The following CCNB1IP1 variants were observed in gnomAD, a reference collection of about 807,000 sequenced individuals.
CCNB1IP1 encodes cyclin B1 interacting protein 1.
CCNB1IP1 carries 14 observed loss-of-function variants against 25.6 expected under a neutral mutation model. The ratio of observed to expected loss-of-function variants is 0.55; its 90% CI spans 0.36 to 0.85. The LOEUF is 0.85. Ranked by LOEUF, CCNB1IP1 falls within the 40% of genes least tolerant of loss-of-function variation. CCNB1IP1 has a pLI of 0.01. For missense variants in CCNB1IP1, 278 were observed against 342.4 expected (o/e 0.81, Z 1.48); for synonymous variants, 119 against 116.1 (o/e 1.02, Z -0.16).
At chr14:20,331,425 A>G (rs1340938268) in intron 1 of CCNB1IP1, among the ~76,000 whole-genome samples, 2 of 152,202 alleles carry the variant, frequency 1.3e-5, no homozygotes, top group Non-Finnish European at 2.9e-5. Flanking sequence ...TTGCTCAATC[A>G]AGTTTAGAGT....
intron 4 of CCNB1IP1, among the ~76,000 whole-genome samples, chr14:20,323,732 C>T (rs917892535): frequency 1.8e-4 from 27 of 151,182 alleles, no homozygotes; most frequent in Non-Finnish European, 2.8e-4. Context: ...ATCGAGACCA[C>T]GGTGAAACCC....
chr14:20,320,421 C>T (rs1268308669), intron 4 of CCNB1IP1: 6 of 414,744 alleles, frequency 1.4e-5, no homozygotes, highest in Non-Finnish European at 2.4e-5. Context: ...GCAAGGGATA[C>T]AATATGCATC....
At chr14:20,319,515 G>C (rs895930125) in intron 4 of CCNB1IP1, among the ~76,000 whole-genome samples, 4 of 152,186 alleles carry the variant, frequency 2.6e-5, no homozygotes, top group African/African-American at 7.2e-5. Flanking sequence ...AATTTGACTA[G>C]TACCTAACTT....
At chr14:20,315,547 A>T (rs1882663273) in intron 5 of CCNB1IP1, 1 of 1,248,690 alleles carries the variant, frequency 8.0e-7, no homozygotes, top group South Asian at 1.4e-5. Flanking sequence ...GTATAAGTGT[A>T]TATGTAAGAT....
chr14:20,330,226 T>G (rs1279253156), intron 1 of CCNB1IP1, among the ~76,000 whole-genome samples: 1 of 152,112 alleles, frequency 6.6e-6, no homozygotes, highest in Non-Finnish European at 1.5e-5. Flanking sequence ...ATGTTCTCAC[T>G]TATAAGTGGG....
At chr14:20,316,109 AAAAG>A (rs1383754552) in intron 5 of CCNB1IP1, 114 bp downstream of exon 5, 8 of 895,600 alleles carry the variant, frequency 8.9e-6, no homozygotes, top group African/African-American at 3.4e-5. Context: ...CAATTTAATA[AAAAG>A]AGTTTCTCAT....
At position 20,313,452 on chromosome 14, in the gene CCNB1IP1, A is replaced by G. The variant is rs1882570769; in HGVS notation, c.631+16T>C. ...TTGATTTAAAGAACAGACACTTGAT[A>G]CATGTCCTTTCTTACCTAATGGGAA... On this transcript the variant is annotated intron_variant, in intron 6 of 6. Coordinates refer to ENST00000358932, the MANE Select transcript of CCNB1IP1 (RefSeq NM_021178.5). 6.5e-7 allele frequency: 1 copy of G among 1,549,698 alleles called. No homozygotes were observed. Among genetic ancestry groups the G allele is most frequent in the Non-Finnish European group, 8.7e-7 (1 of 1,145,904 alleles).
intron 4 of CCNB1IP1, 124 bp downstream of exon 4, chr14:20,325,415 C>T (rs1261129175): frequency 6.5e-5 from 7 of 106,882 alleles, no homozygotes; most frequent in East Asian, 2.5e-4. Context: ...AGCAAGACTC[C>T]GTCTCAAAAA....
chr14:20,321,132 G>A (rs1413481683), intron 4 of CCNB1IP1, among the ~76,000 whole-genome samples: 3 of 102,790 alleles, frequency 2.9e-5, no homozygotes, highest in African/African-American at 1.6e-4. Flanking sequence ...AGCAAACTCC[G>A]TCTCAAAAAA....
chr14:20,316,568 G>T lies in CCNB1IP1; in HGVS notation c.-37-8C>A. The T allele has an allele frequency of 6.6e-7, 1 of 1,525,404 alleles. No homozygotes were observed. Among genetic ancestry groups the T allele is most frequent in the Non-Finnish European group, 8.9e-7 (1 of 1,124,422 alleles). 94.5% of individuals were successfully genotyped at this position (1,525,404 alleles called of 1,614,324 possible). A position where few individuals can be genotyped will look rare whatever the true frequency, so the allele number is the denominator to read the frequency against. On this transcript the variant is annotated splice_region_variant and splice_polypyrimidine_tract_variant and intron_variant, in intron 4 of 6. Coordinates refer to ENST00000358932, the MANE Select transcript of CCNB1IP1 (RefSeq NM_021178.5). ...CAGAAGCTGAAGAGAGGCCTAAGAAGGGGTAAATAAAAAGGCCAAGTAAGT... is the reference window on the plus strand; with the variant it reads ...CAGAAGCTGAAGAGAGGCCTAAGAATGGGTAAATAAAAAGGCCAAGTAAGT...
intron 2 of CCNB1IP1, among the ~76,000 whole-genome samples, chr14:20,327,780 C>T (rs1182622861): frequency 6.6e-6 from 1 of 152,014 alleles, no homozygotes; most frequent in Non-Finnish European, 1.5e-5. Flanking sequence ...CAGAAATTAA[C>T]ATACCACCAA....
At chr14:20,320,020 A>G (rs982826727) in intron 4 of CCNB1IP1, among the ~76,000 whole-genome samples, 1 of 152,196 alleles carries the variant, frequency 6.6e-6, no homozygotes, top group African/African-American at 2.4e-5. Flanking sequence ...GCATTTTTTC[A>G]TCTGAATGAC....
At position 20,313,528 on chromosome 14, in the gene CCNB1IP1, G is replaced by C. The variant is rs139806744; in HGVS notation, c.571C>G (p.His191Asp). The C allele has an allele frequency of 8.1e-6, 13 of 1,613,970 alleles. No individual in the cohort carries two copies. The highest frequency in any genetic ancestry group is 3.3e-5 in the Admixed American group (2 of 59,992). The part of the protein sequence containing the change: ...LRLRNITIAN[H>D]EGTLEPSMIA... ...ATGGATGGTTCAAGGGTGCCTTCAT[G>C]GTTAGCAATAGTGATGTTTCGTAGC... Residue 191 changes from histidine (H) to aspartate (D), a missense_variant, in exon 6 of 7, where the codon CAT (histidine) becomes GAT (aspartate). His to Asp is a moderately conservative substitution (Grantham distance 81). Transcript: ENST00000358932.
chr14:20,321,136 CA>C (rs11357993), intron 4 of CCNB1IP1, among the ~76,000 whole-genome samples: 81,859 of 138,018 alleles, frequency 0.59, 23,509 homozygotes, highest in African/African-American at 0.76. Context: ...AACTCCGTCT[CA>C]AAAAAAAAAA....
chr14:20,313,520 G>T lies in CCNB1IP1; in HGVS notation c.579C>A (p.Gly193=), dbSNP rs1460583730. The change falls in exon 6 of 7, where the codon GGC becomes GGA. Residue 193 remains glycine, a synonymous_variant. Coordinates refer to ENST00000358932, the MANE Select transcript of CCNB1IP1 (RefSeq NM_021178.5). ...GTGCAATCATGGATGGTTCAAGGGT[G>T]CCTTCATGGTTAGCAATAGTGATGT... ...LRNITIANHE[G]TLEPSMIAQS... 12 of 1,613,678 alleles carry T rather than the reference G, an allele frequency of 7.4e-6. No individual in the cohort carries two copies. Among genetic ancestry groups the T allele is most frequent in the Non-Finnish European group, 1.0e-5 (12 of 1,179,866 alleles).
chr14:20,326,076 T>C (rs1450509489), intron 3 of CCNB1IP1, among the ~76,000 whole-genome samples: 2 of 152,250 alleles, frequency 1.3e-5, no homozygotes, highest in East Asian at 1.9e-4. Context: ...TAAGTGATTC[T>C]ATAGTGTTGT....
intron 4 of CCNB1IP1, among the ~76,000 whole-genome samples, chr14:20,322,077 A>G (rs992590468): frequency 1.9e-4 from 29 of 152,258 alleles, no homozygotes; most frequent in African/African-American, 3.9e-4. Context: ...TAAAATATTA[A>G]CAATAAAAGA....
intron 5 of CCNB1IP1, chr14:20,314,501 A>T (rs890983037): frequency 4.0e-5 from 6 of 149,894 alleles, no homozygotes; most frequent in African/African-American, 1.5e-4. Context: ...CAAAACTATG[A>T]AACTCCCAGA....
chr14:20,324,031 A>C lies in CCNB1IP1; in HGVS notation c.-38+1508T>G, dbSNP rs142501876. ...CAAGTTAGTACCAAAATCAAGATTAACCAACTAAAGAAAATGTTATTCCAA... is the reference window on the plus strand; with the variant it reads ...CAAGTTAGTACCAAAATCAAGATTACCCAACTAAAGAAAATGTTATTCCAA... On this transcript the variant is annotated intron_variant, in intron 4 of 6. Transcript: ENST00000358932. 1.5e-3 allele frequency among the ~76,000 whole-genome samples: 235 copies of C among 152,316 alleles called. 1 individual carries two copies. The highest frequency in any genetic ancestry group is 5.3e-3 in the African/African-American group (222 of 41,558).
Sources: gnomAD v4.1 joint callset for allele counts (sites outside exome capture counted in the v4.1 genomes callset) on GRCh38, gnomAD v4.1.1 for gene constraint, MANE v1.5 for transcripts, NCBI Gene and HGNC (gene_info 2026-07-23, HGNC 2026-07-21) for gene names.